MVP: variants seen among roughly 807,000 people sequenced by gnomAD.
The protein encoded by MVP is major vault protein, also known as lung resistance-related protein.
A neutral mutation model predicts 83.5 loss-of-function variants in MVP; 62 were observed. That is an observed-to-expected ratio of 0.74 (90% CI 0.61 to 0.92). The LOEUF (loss-of-function observed/expected upper bound fraction) is 0.92, where lower values mean the gene tolerates loss of function less well. MVP is among the 40% of genes least tolerant of loss of function. The pLI, the probability that MVP is intolerant of heterozygous loss-of-function variation, is 0.00. For synonymous variants in MVP, 505 were observed against 504.1 expected (o/e 1.00, Z -0.02); for missense variants, 1,000 against 1,203.4 (o/e 0.83, Z 2.50).
chr16:29,821,305 G>T (rs1335299683), intron 1 of MVP: 1 of 152,402 alleles, frequency 6.6e-6, no homozygotes, highest in Non-Finnish European at 1.5e-5. Context: ...GGCTCTGCCA[G>T]AAACTCCCTT....
intron 5 of MVP, chr16:29,834,330 C>T (rs2067468472): frequency 2.3e-6 from 1 of 435,892 alleles, no homozygotes; most frequent in Non-Finnish European, 4.3e-6. Flanking sequence ...GGGCAGTGGC[C>T]ATGACTTACC....
rs764572278 is a variant in MVP, at chr16:29,834,001, A to T, written c.512A>T (p.Asn171Ile). 1 of 1,614,056 alleles carries T rather than the reference A, an allele frequency of 6.2e-7. No individual in the cohort carries two copies. Among genetic ancestry groups the T allele is most frequent in the South Asian group, 1.1e-5 (1 of 91,064 alleles). ...EIIQATIIRQNQALRLRARKE... is the reference protein window; with the variant it reads ...EIIQATIIRQIQALRLRARKE... ...ATTCAGGCCACCATCATCAGGCAGA[A>T]CCAGGCTCTGCGGCTCAGGGCCCGC... Residue 171 changes from asparagine to isoleucine, a missense_variant, in exon 5 of 15, where the codon AAC becomes ATC. Physicochemically the swap from Asn to Ile is moderately radical, Grantham distance 149. Coordinates refer to ENST00000357402, the MANE Select transcript of MVP (RefSeq NM_005115.5).
chr16:29,843,006 G>A (rs1054361374), intron 10 of MVP, among the ~76,000 whole-genome samples: 13 of 152,238 alleles, frequency 8.5e-5, no homozygotes, highest in Admixed American at 2.0e-4. Flanking sequence ...CCCCCGCCCT[G>A]CTGTTTGCAG....
At chr16:29,840,126 A>G in intron 7 of MVP, 52 bp from the exon 8 acceptor site, 1 of 1,535,470 alleles carries the variant, frequency 6.5e-7, no homozygotes, top group Non-Finnish European at 8.8e-7. Context: ...GTACCATTGG[A>G]AGCACCCGCA....
intron 8 of MVP, among the ~76,000 whole-genome samples, chr16:29,840,712 C>T (rs946449696): frequency 2.6e-5 from 4 of 152,194 alleles, no homozygotes; most frequent in East Asian, 1.9e-4. Context: ...GAGGCCGAGG[C>T]GGGCGGATCA....
intron 1 of MVP, among the ~76,000 whole-genome samples, chr16:29,827,467 A>C (rs2067412240): frequency 6.6e-6 from 1 of 152,188 alleles, no homozygotes; most frequent in African/African-American, 2.4e-5. Context: ...ATGCCTCTCT[A>C]GAAAGACAGG....
chr16:29,834,869 A>ATTTTTTTTTTTTTTTTT (rs61591338), intron 5 of MVP: 3 of 88,908 alleles, frequency 3.4e-5, no homozygotes, highest in African/African-American at 8.9e-5. Flanking sequence ...TTTTTTTTGT[A>ATTTTTTTTTTTTTTTTT]TTTTTTTTTT....
chr16:29,825,213 A>G (rs2067396530), intron 1 of MVP, among the ~76,000 whole-genome samples: 1 of 152,140 alleles, frequency 6.6e-6, no homozygotes, highest in African/African-American at 2.4e-5. Flanking sequence ...TGATCAGGCA[A>G]GACTGGGCCT....
intron 5 of MVP, chr16:29,834,374 C>T (rs1029669025): frequency 5.5e-6 from 2 of 366,176 alleles, no homozygotes; most frequent in Non-Finnish European, 1.1e-5. Flanking sequence ...TGTTCAAATA[C>T]AATTGACAAA....
chr16:29,842,013 G>T lies in MVP; in HGVS notation c.1535G>T (p.Arg512Leu), dbSNP rs745924270. ...CGGCCCAAGCGTCCCCATGCCCGCC[G>T]TGCGCTCTGCCTGCTGCTGGGGCCT... Reference protein sequence around the residue: ...AGRPKRPHARRALCLLLGPDF... With the variant: ...AGRPKRPHARLALCLLLGPDF... The change falls in exon 10 of 15, where the codon CGT becomes CTT. Residue 512 changes from arginine to leucine, a missense_variant. Coordinates refer to ENST00000357402, the MANE Select transcript of MVP (RefSeq NM_005115.5). 1 of 1,611,730 alleles carries T rather than the reference G, an allele frequency of 6.2e-7. No homozygotes were observed.
At chr16:29,833,671 T>C in intron 3 of MVP, 62 bp from the exon 4 acceptor site, 1 of 1,603,448 alleles carries the variant, frequency 6.2e-7, no homozygotes, top group Non-Finnish European at 8.5e-7. Context: ...CTCCAGAGCA[T>C]CAGGCTTGGC....
intron 10 of MVP, 51 bp from the exon 11 acceptor site, chr16:29,844,442 G>A (rs2067563679): frequency 6.6e-7 from 1 of 1,514,646 alleles, no homozygotes; most frequent in African/African-American, 1.4e-5. Context: ...CTTCTAAAGA[G>A]AGATTCCTGG....
At position 29,834,089 on chromosome 16, in the gene MVP, A is replaced by T. The variant is rs750506679; in HGVS notation, c.577+23A>T. 4.3e-6 allele frequency: 7 copies of T among 1,610,170 alleles called. No homozygotes were observed. In the East Asian group the frequency reaches 1.6e-4, roughly 36 times the overall value. ...CAGGTGGGGTCACCAAGGGGCGATG[A>T]TGGTGGGTGGGCAGGAGGGGTCCCC... is the stretch of plus-strand genomic sequence containing the variant. On this transcript the variant is annotated intron_variant, in intron 5 of 14. Coordinates refer to ENST00000357402, the MANE Select transcript of MVP (RefSeq NM_005115.5).
intron 10 of MVP, 69 bp from the exon 11 acceptor site, chr16:29,844,424 C>A: frequency 1.3e-6 from 2 of 1,503,916 alleles, no homozygotes; most frequent in Non-Finnish European, 1.8e-6. Flanking sequence ...CATGGCAAGA[C>A]CTTGTCTCTT....
intron 1 of MVP, among the ~76,000 whole-genome samples, chr16:29,828,239 G>T (rs1183398477): frequency 6.6e-6 from 1 of 152,040 alleles, no homozygotes; most frequent in Admixed American, 6.6e-5. Flanking sequence ...GATTACAGGT[G>T]TGAGCCAGCA....
Position 29,841,959 on chromosome 16 carries a change from A to G in MVP, c.1481A>G (p.Gln494Arg). ...CTGGTGTCGCTGGGTCCTGAGGAGC[A>G]GTTCACAGTGTTGTCCCTCTCAGCT... is the stretch of plus-strand genomic sequence containing the variant. Reference protein sequence around the residue: ...PELVSLGPEEQFTVLSLSAGR... With the variant: ...PELVSLGPEERFTVLSLSAGR... Residue 494 changes from glutamine (Q) to arginine (R), a missense_variant, in exon 10 of 15, where the codon CAG (glutamine) becomes CGG (arginine). Physicochemically the swap from Gln to Arg is conservative, Grantham distance 43. Transcript: ENST00000357402. The surrounding 1 kb of genome is among the most constrained non-coding windows in gnomAD (Gnocchi z 4.7). The G allele has an allele frequency of 2.5e-6, 4 of 1,612,926 alleles. No homozygotes were observed. The highest frequency in any genetic ancestry group is 2.2e-5 in the South Asian group (2 of 91,082).
rs113018337 is a variant in MVP at position 29,844,685 on chromosome 16, G to A, written c.1827G>A (p.Ser609=). ...IRTAVFGFET[S]EAKGPDGMAL... ...CTGCTGTCTTTGGCTTTGAGACCTCGGAAGCGAAGGGCCCCGATGGCATGG... is the reference window on the plus strand; with the variant it reads ...CTGCTGTCTTTGGCTTTGAGACCTCAGAAGCGAAGGGCCCCGATGGCATGG... Residue 609 remains serine, a synonymous_variant, in exon 11 of 15, where the codon TCG becomes TCA. Coordinates refer to ENST00000357402, the MANE Select transcript of MVP (RefSeq NM_005115.5). 21 of 1,614,066 alleles carry A rather than the reference G, an allele frequency of 1.3e-5. No homozygotes were observed. The highest frequency in any genetic ancestry group is 3.3e-5 in the South Asian group (3 of 91,080).
rs2067566566 is a variant in MVP, at chr16:29,844,622, CGAT to C, written c.1767_1769del (p.Asp590del). 2 of 1,613,948 alleles carry C rather than the reference CGAT, an allele frequency of 1.2e-6. No homozygotes were observed. Among genetic ancestry groups the C allele is most frequent in the African/African-American group, 2.7e-5 (2 of 74,948 alleles). On this transcript the variant is annotated inframe_deletion, in exon 11 of 15. Transcript: ENST00000357402. ...GGGGGGCCGTGGCCTCTGTCACTTT[CGAT>C]GACTTCCATAAGAACTCAGCCCGCA... is the stretch of plus-strand genomic sequence containing the variant.
Position 29,847,934 on chromosome 16 carries a change from C to T in MVP, c.2627C>T (p.Ser876Phe), listed in dbSNP as rs753734970. The change falls in exon 15 of 15, where the codon TCT (serine) becomes TTT (phenylalanine). Residue 876 changes from serine (S) to phenylalanine (F), a missense_variant. Coordinates refer to ENST00000357402, the MANE Select transcript of MVP (RefSeq NM_005115.5). ...CCTGGGGAGGGGATATCCCCCCAGT[C>T]TGCTCAGGCCCCTCAAGCTCCTGGA... ...PSPGEGISPQ[S>F]AQAPQAPGDN... 1 of 1,612,406 alleles carries T rather than the reference C, an allele frequency of 6.2e-7. No individual in the cohort carries two copies. Among genetic ancestry groups the T allele is most frequent in the African/African-American group, 1.3e-5 (1 of 74,832 alleles).
Sources: gnomAD v4.1 joint callset for allele counts (sites outside exome capture counted in the v4.1 genomes callset) on GRCh38, gnomAD v4.1.1 for gene constraint, Gnocchi (gnomAD v3.1) non-coding constraint, MANE v1.5 for transcripts, NCBI Gene and HGNC (gene_info 2026-07-23, HGNC 2026-07-21) for gene names.